Variants in FAM193A observed in about 807,000 individuals in gnomAD.
FAM193A encodes protein FAM193A.
In FAM193A, 22 loss-of-function variants were observed where a neutral mutation model predicts 126.5. That is an observed-to-expected ratio of 0.17 (90% CI 0.12 to 0.25). The LOEUF is 0.25. FAM193A is among the 10% of genes least tolerant of loss of function. The probability of loss-of-function intolerance (pLI) is 1.00; values close to 1 mark genes in which losing one functional copy is unlikely to be tolerated. For missense variants in FAM193A, 1,675 were observed against 1,672.8 expected, an observed-to-expected ratio of 1.00 and a Z score of -0.02; for synonymous variants, 761 against 646.8, an observed-to-expected ratio of 1.18 and a Z score of -2.68.
At chr4:2,562,130 A>G (rs1738653682) in intron 1 of FAM193A, among the ~76,000 whole-genome samples, 1 of 152,054 alleles carries the variant, frequency 6.6e-6, no homozygotes, top group South Asian at 2.1e-4. Context: ...GATAATTGTA[A>G]TTGTCACTCT....
chr4:2,657,438 G>A (rs1025232265), intron 7 of FAM193A, among the ~76,000 whole-genome samples: 2 of 151,938 alleles, frequency 1.3e-5, no homozygotes, highest in South Asian at 2.1e-4. Flanking sequence ...TGAGCTCTTC[G>A]TGTGGCAGGA....
intron 12 of FAM193A, among the ~76,000 whole-genome samples, chr4:2,669,014 TG>T (rs534797933): frequency 3.3e-4 from 50 of 152,128 alleles, no homozygotes; most frequent in African/African-American, 1.1e-3. Flanking sequence ...GGCTAATTTT[TG>T]TATTTTTGGT....
At chr4:2,539,065 TG>T (rs1323309831) in intron 1 of FAM193A, among the ~76,000 whole-genome samples, 2 of 151,884 alleles carry the variant, frequency 1.3e-5, no homozygotes, top group Non-Finnish European at 2.9e-5. Flanking sequence ...TAATTTTTTT[TG>T]TATTTTTAGT....
intron 2 of FAM193A, among the ~76,000 whole-genome samples, chr4:2,599,688 C>T (rs764941992): frequency 3.2e-4 from 48 of 152,018 alleles, no homozygotes; most frequent in Non-Finnish European, 5.7e-4. Context: ...AAACTTTCAT[C>T]TTGATCATTG....
At chr4:2,688,011 C>T (rs945045760) in intron 13 of FAM193A, among the ~76,000 whole-genome samples, 1 of 152,168 alleles carries the variant, frequency 6.6e-6, no homozygotes, top group Non-Finnish European at 1.5e-5. Flanking sequence ...CCAGGGAACC[C>T]TCCCACTTGA....
chr4:2,602,551 C>T (rs1240260771), intron 2 of FAM193A, among the ~76,000 whole-genome samples: 2 of 152,096 alleles, frequency 1.3e-5, no homozygotes, highest in Admixed American at 1.3e-4. Context: ...TGGGGTTTCA[C>T]CATGTTGGCC....
intron 18 of FAM193A, among the ~76,000 whole-genome samples, chr4:2,698,959 G>A (rs1287891384): frequency 6.6e-6 from 1 of 152,174 alleles, no homozygotes; most frequent in Non-Finnish European, 1.5e-5. Flanking sequence ...TTTTTGTGGT[G>A]CCATCACAGC....
chr4:2,578,957 G>A (rs1471691968), intron 1 of FAM193A, among the ~76,000 whole-genome samples: 1 of 151,834 alleles, frequency 6.6e-6, no homozygotes. Flanking sequence ...GAGGAAGGCA[G>A]GCACACAGTG....
At chr4:2,568,758 C>T (rs1458613336) in intron 1 of FAM193A, among the ~76,000 whole-genome samples, 3 of 152,076 alleles carry the variant, frequency 2.0e-5, no homozygotes, top group Non-Finnish European at 2.9e-5. Flanking sequence ...ATCTTAGTAA[C>T]GATTGCTTGA....
chr4:2,696,118 A>C (rs1325691751), intron 17 of FAM193A, among the ~76,000 whole-genome samples: 1 of 152,222 alleles, frequency 6.6e-6, no homozygotes, highest in African/African-American at 2.4e-5. Context: ...TTATGTGCAT[A>C]GCTATACATG....
chr4:2,692,773 C>A (rs1716546502), intron 15 of FAM193A, among the ~76,000 whole-genome samples: 1 of 149,262 alleles, frequency 6.7e-6, no homozygotes, highest in Non-Finnish European at 1.5e-5. Flanking sequence ...ATGGGTTATA[C>A]CTTAGATGAG....
chr4:2,598,289 C>T (rs923804150), intron 2 of FAM193A, among the ~76,000 whole-genome samples: 7 of 152,204 alleles, frequency 4.6e-5, no homozygotes, highest in African/African-American at 1.7e-4. Context: ...CAAAATGTTG[C>T]ATGCATCCGT....
At position 2,604,941 on chromosome 4, in the gene FAM193A, C is replaced by G. The variant is rs1216773591; in HGVS notation, c.501+8612C>G. Among the ~76,000 whole-genome samples, 4 of 150,330 alleles carry G rather than the reference C, an allele frequency of 2.7e-5. No homozygotes were observed. In the Admixed American group the frequency reaches 2.7e-4, roughly 10 times the overall value. Reference sequence around the variant, plus strand: ...GCCTCCTGAGTAGCTGGGATTACAGCTGCACGCCAACAGTCCTGGATGATT... The same window carrying G: ...GCCTCCTGAGTAGCTGGGATTACAGGTGCACGCCAACAGTCCTGGATGATT... On this transcript the variant is annotated intron_variant, in intron 2 of 20. Transcript: ENST00000637812.
rs1464242924 is a variant in FAM193A, at chr4:2,630,927, C to T, written c.804-8C>T. On this transcript the variant is annotated splice_polypyrimidine_tract_variant and splice_region_variant and intron_variant, in intron 4 of 20. Coordinates refer to ENST00000637812, the MANE Select transcript of FAM193A (RefSeq NM_001366318.2). ...GGGCAGGCCCTGGTGACCCTCTTCT[C>T]TGTGCAGGCTCTGCGAGAGGGACCC... 3 of 1,521,682 alleles carry T rather than the reference C, an allele frequency of 2.0e-6. No homozygotes were observed. The highest frequency in any genetic ancestry group is 4.5e-5 in the East Asian group (2 of 44,216). The allele number at this position is 1,521,682 out of a possible 1,614,324, so 94.3% of individuals were successfully genotyped here.
At chr4:2,630,491 T>C (rs17164055) in intron 4 of FAM193A, among the ~76,000 whole-genome samples, 1,694 of 152,276 alleles carry the variant, frequency 0.011, 33 homozygotes, top group African/African-American at 0.038. Context: ...TTTTACTTGT[T>C]AACATATAAG....
At chr4:2,632,736 A>C (rs372359911) in intron 5 of FAM193A, among the ~76,000 whole-genome samples, 5 of 152,102 alleles carry the variant, frequency 3.3e-5, no homozygotes, top group East Asian at 1.9e-4. Flanking sequence ...GTCTGAGTCC[A>C]CTGGGTAGTG....
intron 1 of FAM193A, among the ~76,000 whole-genome samples, chr4:2,572,178 A>C (rs1269839985): frequency 1.3e-5 from 2 of 151,720 alleles, no homozygotes; most frequent in Non-Finnish European, 2.9e-5. Flanking sequence ...AAAAAAAAAA[A>C]AAAAACTGGG....
intron 2 of FAM193A, chr4:2,608,047 C>T (rs1741648141): frequency 1.9e-6 from 3 of 1,608,806 alleles, no homozygotes; most frequent in Non-Finnish European, 2.5e-6. Context: ...GGGTGTGCAG[C>T]ATAAATTGCA....
intron 16 of FAM193A, among the ~76,000 whole-genome samples, 175 bp downstream of exon 16, chr4:2,694,049 C>T (rs542261880): frequency 1.3e-5 from 2 of 152,314 alleles, no homozygotes; most frequent in East Asian, 3.9e-4. Flanking sequence ...GCTCCCATCT[C>T]AGCCTGTAGT....
Sources: gnomAD v4.1 joint callset for allele counts (sites outside exome capture counted in the v4.1 genomes callset) on GRCh38, gnomAD v4.1.1 for gene constraint, MANE v1.5 for transcripts, NCBI Gene and HGNC (gene_info 2026-07-23, HGNC 2026-07-21) for gene names.